The following FGD5 variants were observed in gnomAD, a reference collection of about 807,000 sequenced individuals.
FGD5 encodes the protein FYVE, RhoGEF and PH domain containing 5, also known as FYVE, RhoGEF and PH domain-containing protein 5.
A neutral mutation model predicts 133.4 loss-of-function variants in FGD5; 28 were observed. The ratio of observed to expected loss-of-function variants is 0.21; its 90% CI spans 0.16 to 0.29. FGD5 has a LOEUF of 0.29. Among genes scored for constraint, FGD5 ranks in the 10% least tolerant of loss-of-function variants. The pLI, the probability that FGD5 is intolerant of heterozygous loss-of-function variation, is 1.00. For missense variants in FGD5, 1,858 were observed against 1,895.2 expected, an observed-to-expected ratio of 0.98 and a Z score of 0.36; for synonymous variants, 810 against 776.5, an observed-to-expected ratio of 1.04 and a Z score of -0.72.
At chr3:14,861,823 C>T (rs929882202) in intron 1 of FGD5, among the ~76,000 whole-genome samples, 2 of 152,156 alleles carry the variant, frequency 1.3e-5, no homozygotes, top group African/African-American at 4.8e-5. Flanking sequence ...AGGCTGAGCT[C>T]TTGGGGCCAA....
In FGD5 at chr3:14,900,427, A is replaced by G; in HGVS notation, c.3179A>G (p.Asp1060Gly). ...GACTATTTAAACAACCTTTGTCCGGACTCCGCCGAGTACGACAACACACAG... is the reference window on the plus strand; with the variant it reads ...GACTATTTAAACAACCTTTGTCCGGGCTCCGCCGAGTACGACAACACACAG... ...LTDYLNNLCP[D>G]SAEYDNTQGA... The change falls in exon 8 of 20, where the codon GAC becomes GGC. Residue 1060 changes from aspartate to glycine, a missense_variant. This residue lies in a region of FGD5 where 1,824 missense variants were observed against 1,848.9 expected (regional missense o/e 0.99). Transcript: ENST00000285046. 3 of 1,613,168 alleles carry G rather than the reference A, an allele frequency of 1.9e-6. No homozygotes were observed. The South Asian group carries it at 3.3e-5, about 18-fold the overall frequency.
intron 4 of FGD5, among the ~76,000 whole-genome samples, chr3:14,891,942 T>C (rs1280882215): frequency 6.6e-6 from 1 of 151,878 alleles, no homozygotes; most frequent in African/African-American, 2.4e-5. Flanking sequence ...TTTTTCTCTC[T>C]TTCTCCCTCT....
intron 18 of FGD5, 144 bp from the exon 19 acceptor site, chr3:14,932,433 C>A: frequency 1.1e-6 from 1 of 881,772 alleles, no homozygotes; most frequent in East Asian, 2.9e-5. Flanking sequence ...AAGCGAGGGT[C>A]AACAGTTTGT....
intron 18 of FGD5, among the ~76,000 whole-genome samples, chr3:14,927,376 A>G (rs1015576200): frequency 2.0e-5 from 3 of 152,218 alleles, no homozygotes; most frequent in African/African-American, 7.2e-5. Context: ...CTGTAATCCC[A>G]GGACTTTGGG....
intron 1 of FGD5, among the ~76,000 whole-genome samples, chr3:14,842,535 G>T (rs1188603316): frequency 6.6e-6 from 1 of 152,172 alleles, no homozygotes; most frequent in Non-Finnish European, 1.5e-5. Context: ...GCCATGCTTT[G>T]CATTGTACCC....
At position 14,821,200 on chromosome 3, in the gene FGD5, C is replaced by T; in HGVS notation, c.2129C>T (p.Thr710Ile). Residue 710 changes from threonine (T) to isoleucine (I), a missense_variant, in exon 1 of 20, where the codon ACT (threonine) becomes ATT (isoleucine). Physicochemically the swap from Thr to Ile is moderately conservative, Grantham distance 89. Coordinates refer to ENST00000285046, the MANE Select transcript of FGD5 (RefSeq NM_152536.4). ...LSNSPQLKSR[T>I]GKLRASESPS... is the part of the protein sequence containing the mutation. The stretch of plus-strand genomic sequence containing the variant: ...AACTCCCCTCAGCTTAAGTCTCGGA[C>T]TGGGAAGCTCCGGGCTTCTGAATCC... 1.2e-6 allele frequency: 2 copies of T among 1,613,932 alleles called. No homozygotes were observed. Among genetic ancestry groups the T allele is most frequent in the Non-Finnish European group, 1.7e-6 (2 of 1,179,876 alleles).
chr3:14,818,947 G>A, upstream of FGD5: 5 of 1,439,124 alleles, frequency 3.5e-6, no homozygotes, highest in South Asian at 6.0e-5. Flanking sequence ...CTCTATTTTT[G>A]TCATCTAGAT....
chr3:14,818,281 C>A (rs2036409217), upstream of FGD5, among the ~76,000 whole-genome samples: 1 of 152,172 alleles, frequency 6.6e-6, no homozygotes, highest in South Asian at 2.1e-4. Context: ...TGGACACAGT[C>A]CTGAAGCATG....
At chr3:14,851,009 C>T (rs959467879) in intron 1 of FGD5, among the ~76,000 whole-genome samples, 11 of 152,064 alleles carry the variant, frequency 7.2e-5, no homozygotes, top group African/African-American at 2.4e-4. Context: ...AGCCACAGCG[C>T]GTCGTGGTGA....
chr3:14,921,632 A>G (rs1323154374), intron 13 of FGD5, among the ~76,000 whole-genome samples: 2 of 152,152 alleles, frequency 1.3e-5, no homozygotes, highest in Non-Finnish European at 2.9e-5. Flanking sequence ...CAATGTTGAC[A>G]ATGTGGTTCC....
intron 2 of FGD5, among the ~76,000 whole-genome samples, chr3:14,876,331 CT>C (rs1423641029): frequency 6.6e-6 from 1 of 152,186 alleles, no homozygotes; most frequent in Non-Finnish European, 1.5e-5. Flanking sequence ...GTTCTCAAAA[CT>C]TTTTGGTCTC....
At chr3:14,877,576 G>A (rs1056018089) in intron 2 of FGD5, among the ~76,000 whole-genome samples, 4 of 152,218 alleles carry the variant, frequency 2.6e-5, no homozygotes, top group Non-Finnish European at 4.4e-5. Context: ...GCTCGCCCAC[G>A]GTCACACAGC....
At chr3:14,884,940 A>C (rs1475694963) in intron 4 of FGD5, among the ~76,000 whole-genome samples, 1 of 151,876 alleles carries the variant, frequency 6.6e-6, no homozygotes, top group African/African-American at 2.4e-5. Flanking sequence ...GAGGTTATCT[A>C]CCGCGACATC....
chr3:14,833,337 A>G (rs547630553), intron 1 of FGD5, among the ~76,000 whole-genome samples: 14 of 152,338 alleles, frequency 9.2e-5, no homozygotes, highest in African/African-American at 3.1e-4. Flanking sequence ...CAAAATCTCC[A>G]GGTCAAGGCA....
In FGD5 at chr3:14,812,843, G is replaced by A. The variant is rs78103358; in HGVS notation, c.13+1978G>A. 2.5e-3 allele frequency among the ~76,000 whole-genome samples: 385 copies of A among 152,326 alleles called. 2 individuals carry two copies. The highest frequency in any genetic ancestry group is 8.9e-3 in the African/African-American group (369 of 41,568). ...CCTAGAAAGAACAGTGTCTGTAGCA[G>A]AGCAACCAGTAAATACCAGCTAATA... is the stretch of plus-strand genomic sequence containing the variant. On this transcript the variant is annotated intron_variant, in intron 1 of 1. Coordinates refer to the FGD5 transcript ENST00000640506.
chr3:14,885,836 C>G (rs1166243134), intron 4 of FGD5, among the ~76,000 whole-genome samples: 1 of 152,160 alleles, frequency 6.6e-6, no homozygotes, highest in Non-Finnish European at 1.5e-5. Context: ...GACATAGTCT[C>G]TCCTATTCAA....
At chr3:14,864,018 G>A in intron 1 of FGD5, 110 bp from the exon 2 acceptor site, 2 of 1,482,378 alleles carry the variant, frequency 1.3e-6, no homozygotes, top group Middle Eastern at 3.6e-4. Flanking sequence ...TTGTGCCTGA[G>A]TCTTACTACT....
intron 9 of FGD5, among the ~76,000 whole-genome samples, chr3:14,903,972 T>C (rs1291772146): frequency 6.6e-6 from 1 of 152,160 alleles, no homozygotes; most frequent in Non-Finnish European, 1.5e-5. Context: ...AGGACGCCCT[T>C]CTGGTGGAAA....
chr3:14,820,202 A>G lies in FGD5; in HGVS notation c.1131A>G (p.Ala377=). The change falls in exon 1 of 20, where the codon GCA becomes GCG. Residue 377 remains alanine (A), a synonymous_variant. Coordinates refer to ENST00000285046, the MANE Select transcript of FGD5 (RefSeq NM_152536.4). ...CGAAAGGTTTAGAATCAGAGCAGGC[A>G]CCAAAGCTGGGGCTGCGTGCGGAGG... ...ESAKGLESEQ[A]PKLGLRAEEN... is the part of the protein sequence containing the mutation. 6.2e-7 allele frequency: 1 copy of G among 1,612,390 alleles called. No individual in the cohort carries two copies. Among genetic ancestry groups the G allele is most frequent in the South Asian group, 1.1e-5 (1 of 90,968 alleles).
Sources: allele counts gnomAD v4.1 joint callset (sites outside exome capture counted in the v4.1 genomes callset), GRCh38; gene constraint gnomAD v4.1.1; regional missense constraint gnomAD v4.1.1; transcripts MANE v1.5; gene names NCBI Gene and HGNC (gene_info 2026-07-23, HGNC 2026-07-21).